HSD17B4: variants seen among roughly 807,000 people sequenced by gnomAD.
HSD17B4 encodes the protein peroxisomal multifunctional enzyme type 2.
HSD17B4 carries 70 observed loss-of-function variants against 101.0 expected under a neutral mutation model. The ratio of observed to expected loss-of-function variants is 0.69; its 90% CI spans 0.57 to 0.85. HSD17B4 has a LOEUF of 0.85. Ranked by LOEUF, HSD17B4 falls within the 40% of genes least tolerant of loss-of-function variation. HSD17B4 has a pLI of 0.00. For missense variants in HSD17B4, 984 were observed against 892.4 expected (o/e 1.10, Z -1.31); for synonymous variants, 347 against 297.1 (o/e 1.17, Z -1.73).
chr5:119,492,388 A>G, intron 10 of HSD17B4: 1 of 495,974 alleles, frequency 2.0e-6, no homozygotes, highest in Non-Finnish European at 3.6e-6. Context: ...AGAACTGGCT[A>G]TTCCTTCAGA....
chr5:119,460,597 CTT>C (rs1284682839), intron 2 of HSD17B4, among the ~76,000 whole-genome samples: 5 of 151,868 alleles, frequency 3.3e-5, no homozygotes, highest in African/African-American at 9.7e-5. Flanking sequence ...GGTTAATAGA[CTT>C]AACATCAAAT....
In HSD17B4 at chr5:119,536,416, T is replaced by G; in HGVS notation, c.1994-7T>G. On this transcript the variant is annotated splice_polypyrimidine_tract_variant and splice_region_variant and intron_variant, in intron 22 of 23. Coordinates refer to ENST00000510025, the MANE Select transcript of HSD17B4 (RefSeq NM_000414.4). ...GATACACATTGGTTTCTTCCTATTT[T>G]TCCCAGCTATTGACCTGAAAAGTGG... is the stretch of plus-strand genomic sequence containing the variant. 6.2e-7 allele frequency: 1 copy of G among 1,611,852 alleles called. No homozygotes were observed. Among genetic ancestry groups the G allele is most frequent in the South Asian group, 1.1e-5 (1 of 91,054 alleles).
chr5:119,535,218 A>C (rs1171269331), intron 22 of HSD17B4, among the ~76,000 whole-genome samples: 1 of 152,034 alleles, frequency 6.6e-6, no homozygotes, highest in Non-Finnish European at 1.5e-5. Context: ...CTATTCACAC[A>C]ACAAAGATCA....
intron 16 of HSD17B4, among the ~76,000 whole-genome samples, chr5:119,513,307 C>T (rs1443921272): frequency 6.6e-6 from 1 of 152,186 alleles, no homozygotes; most frequent in East Asian, 1.9e-4. Context: ...GGGTAAAATA[C>T]AAGTCTGAGG....
chr5:119,517,017 C>G (rs1488074965), intron 17 of HSD17B4, among the ~76,000 whole-genome samples: 1 of 152,216 alleles, frequency 6.6e-6, no homozygotes, highest in African/African-American at 2.4e-5. Context: ...CTTGAGGAGC[C>G]CATCAGCCCA....
chr5:119,477,312 G>C, intron 6 of HSD17B4, 105 bp from the exon 7 acceptor site: 1 of 786,058 alleles, frequency 1.3e-6, no homozygotes, highest in Non-Finnish European at 2.2e-6. Context: ...TTATACATTA[G>C]GTATAAAATG....
chr5:119,510,172 A>C (rs533834924), intron 16 of HSD17B4, among the ~76,000 whole-genome samples: 20 of 152,346 alleles, frequency 1.3e-4, no homozygotes, highest in African/African-American at 4.8e-4. Context: ...TATTTTATAT[A>C]TAGAAAAGCC....
intron 17 of HSD17B4, among the ~76,000 whole-genome samples, chr5:119,517,149 G>C (rs1160097133): frequency 6.6e-6 from 1 of 152,204 alleles, no homozygotes; most frequent in Admixed American, 6.5e-5. Flanking sequence ...GCGCTCGCAG[G>C]CCAGCTTGAG....
In HSD17B4 at chr5:119,452,780, C is replaced by G. The variant is rs375453337; in HGVS notation, c.58+147C>G. The G allele has an allele frequency of 6.4e-6, 10 of 1,556,006 alleles. No individual in the cohort carries two copies. In the South Asian group the frequency reaches 9.2e-5, roughly 14 times the overall value. On this transcript the variant is annotated intron_variant, in intron 1 of 23. Coordinates refer to ENST00000510025, the MANE Select transcript of HSD17B4 (RefSeq NM_000414.4). ...TGGTTATTCTTGAGGCACCGCATCTCTTGAGGAGGAAAGAGCCGGAAACAC... is the reference window on the plus strand; with the variant it reads ...TGGTTATTCTTGAGGCACCGCATCTGTTGAGGAGGAAAGAGCCGGAAACAC...
At chr5:119,485,797 G>C (rs982050083) in intron 8 of HSD17B4, among the ~76,000 whole-genome samples, 2 of 152,098 alleles carry the variant, frequency 1.3e-5, no homozygotes, top group African/African-American at 4.8e-5. Context: ...TGAGTATCCA[G>C]GAACTAACTT....
chr5:119,542,278 A>G lies in HSD17B4; in HGVS notation c.*284A>G. The stretch of plus-strand genomic sequence containing the variant: ...AAGTCCTGTTTCCTTAGAATTTGTG[A>G]TAGCATTGATAAGTTGAAAGGAAAA... On this transcript the variant is annotated 3_prime_UTR_variant, in exon 24 of 24. Transcript: ENST00000510025. 1 of 270,280 alleles carries G rather than the reference A, an allele frequency of 3.7e-6. No homozygotes were observed. Among genetic ancestry groups the G allele is most frequent in the Non-Finnish European group, 7.0e-6 (1 of 141,976 alleles). 16.7% of individuals were successfully genotyped at this position (270,280 alleles called of 1,614,324 possible). A position where few individuals can be genotyped will look rare whatever the true frequency, so the allele number is the denominator to read the frequency against.
At chr5:119,492,209 G>T (rs1409356188) in intron 10 of HSD17B4, 85 bp downstream of exon 10, 20 of 964,396 alleles carry the variant, frequency 2.1e-5, no homozygotes, top group Non-Finnish European at 2.9e-5. Context: ...TAAGATTTTT[G>T]TCAAATGCCT....
chr5:119,510,979 T>C (rs1752116480), intron 16 of HSD17B4, among the ~76,000 whole-genome samples: 1 of 152,204 alleles, frequency 6.6e-6, no homozygotes, highest in Non-Finnish European at 1.5e-5. Context: ...ACCCTACCTG[T>C]GGCAGGTTGA....
At chr5:119,478,526 G>T (rs148238822) in intron 7 of HSD17B4, among the ~76,000 whole-genome samples, 2 of 152,096 alleles carry the variant, frequency 1.3e-5, no homozygotes, top group Non-Finnish European at 2.9e-5. Context: ...AGAACTGTTC[G>T]ATTTAATATT....
chr5:119,510,702 A>G (rs916959848), intron 16 of HSD17B4, among the ~76,000 whole-genome samples: 4 of 152,222 alleles, frequency 2.6e-5, no homozygotes, highest in Non-Finnish European at 2.9e-5. Context: ...TTTTGGTAAG[A>G]ACAGTGAGAC....
At position 119,526,018 on chromosome 5, in the gene HSD17B4, A is replaced by G. The variant is rs11205; in HGVS notation, c.1675A>G (p.Ile559Val). Residue 559 changes from isoleucine to valine, a missense_variant, in exon 19 of 24, where the codon ATT (isoleucine) becomes GTT (valine). By Grantham distance (29) the Ile-to-Val change is conservative (BLOSUM62 3). Transcript: ENST00000510025. The part of the protein sequence containing the change: ...ADNDVSRFKA[I>V]KARFAKPVYP... ...TAATGATGTGTCAAGATTCAAGGCA[A>G]TTAAGGTAAATGTGTATTACTACGT... is the stretch of plus-strand genomic sequence containing the variant. 619,705 of 1,540,756 alleles carry G rather than the reference A, an allele frequency of 0.4. 126,774 individuals carry two copies. The highest frequency in any genetic ancestry group is 0.5 in the Admixed American group (29,999 of 59,762).
intron 23 of HSD17B4, among the ~76,000 whole-genome samples, chr5:119,537,995 A>G (rs536037761): frequency 2.0e-5 from 3 of 152,288 alleles, no homozygotes; most frequent in Admixed American, 6.5e-5. Context: ...TAAGGAAACA[A>G]CTAATACAAA....
At chr5:119,523,155 A>G (rs1753264121) in intron 17 of HSD17B4, among the ~76,000 whole-genome samples, 1 of 151,920 alleles carries the variant, frequency 6.6e-6, no homozygotes, top group East Asian at 1.9e-4. Context: ...TTTCGAGGAT[A>G]TGAGGACTTA....
intron 15 of HSD17B4, 142 bp downstream of exon 15, chr5:119,507,031 C>A: frequency 1.9e-6 from 1 of 539,178 alleles, no homozygotes; most frequent in Non-Finnish European, 3.4e-6. Context: ...TTTTTAAACT[C>A]TTTAAGAAAA....
Sources: gnomAD v4.1 joint callset for allele counts (sites outside exome capture counted in the v4.1 genomes callset) on GRCh38, gnomAD v4.1.1 for gene constraint, MANE v1.5 for transcripts, NCBI Gene and HGNC (gene_info 2026-07-23, HGNC 2026-07-21) for gene names.